The following MAGI2 variants were observed in gnomAD, a reference collection of about 807,000 sequenced individuals.
MAGI2 encodes membrane-associated guanylate kinase, WW and PDZ domain-containing protein 2.
A neutral mutation model predicts 133.3 loss-of-function variants in MAGI2; 35 were observed. The ratio of observed to expected loss-of-function variants is 0.26; its 90% CI spans 0.20 to 0.35. MAGI2 has a LOEUF of 0.35. Ranked by LOEUF, MAGI2 falls within the 10% of genes least tolerant of loss-of-function variation. The pLI is 1.00. For missense variants in MAGI2, 1,636 were observed against 1,863.4 expected, an observed-to-expected ratio of 0.88 and a Z score of 2.25; for synonymous variants, 729 against 710.6, an observed-to-expected ratio of 1.03 and a Z score of -0.41.
intron 1 of MAGI2, among the ~76,000 whole-genome samples, chr7:79,116,729 T>C (rs538673353): frequency 1.1e-4 from 17 of 152,290 alleles, no homozygotes; most frequent in African/African-American, 3.8e-4. Context: ...ACCTTGATGA[T>C]AAATAAGTTC....
At chr7:78,569,472 G>A (rs1041415717) in intron 3 of MAGI2, among the ~76,000 whole-genome samples, 5 of 152,010 alleles carry the variant, frequency 3.3e-5, no homozygotes, top group East Asian at 1.9e-4. Flanking sequence ...CAAAATGCAC[G>A]TTATATATCT....
chr7:78,265,724 A>C (rs573120758), intron 9 of MAGI2, among the ~76,000 whole-genome samples: 1 of 152,352 alleles, frequency 6.6e-6, no homozygotes, highest in South Asian at 2.1e-4. Context: ...CCTTGCAGGA[A>C]AGAGTCATAA....
intron 1 of MAGI2, among the ~76,000 whole-genome samples, chr7:79,153,788 T>A (rs558796601): frequency 6.6e-6 from 1 of 152,248 alleles, no homozygotes; most frequent in Non-Finnish European, 1.5e-5. Flanking sequence ...CAGATTCAGA[T>A]GGGTTTATGC....
chr7:79,232,571 T>C (rs1831465643), intron 1 of MAGI2, among the ~76,000 whole-genome samples: 1 of 86,468 alleles, frequency 1.2e-5, no homozygotes, highest in African/African-American at 4.7e-5. Context: ...ATTTTCTAGT[T>C]TATTTGCGTA....
rs111792012 is a variant in MAGI2, at chr7:78,568,528, T to C, written c.539-46883A>G. Among the ~76,000 whole-genome samples the C allele has an allele frequency of 7.1e-4, 108 of 152,328 alleles. 1 individual carries two copies. Among genetic ancestry groups the C allele is most frequent in the African/African-American group, 2.4e-3 (98 of 41,572 alleles). On this transcript the variant is annotated intron_variant, in intron 3 of 21. Transcript: ENST00000354212. ...ATCTTGGAGTCATCTTTCATGTATT[T>C]TCTTTTGCTTACACCTCTTATCCGG...
At chr7:78,860,096 A>G (rs1458316172) in intron 2 of MAGI2, among the ~76,000 whole-genome samples, 1 of 152,154 alleles carries the variant, frequency 6.6e-6, no homozygotes, top group Non-Finnish European at 1.5e-5. Context: ...CCATCAGGTC[A>G]TTTAAGGTCT....
rs554123290 is a variant in MAGI2, at chr7:78,246,976, G to C, written c.2047+8967C>G. Reference sequence around the variant, plus strand: ...AATCTCTATCCAACTCTGCCTCAGAGAGTAAACCTATAGCACAAGACCCAG... The same window carrying C: ...AATCTCTATCCAACTCTGCCTCAGACAGTAAACCTATAGCACAAGACCCAG... On this transcript the variant is annotated intron_variant, in intron 10 of 21. Transcript: ENST00000354212. Among the ~76,000 whole-genome samples, 191 of 152,294 alleles carry C rather than the reference G, an allele frequency of 1.3e-3. 1 individual carries two copies. Among genetic ancestry groups the C allele is most frequent in the Middle Eastern group, 3.4e-3 (1 of 294 alleles).
intron 1 of MAGI2, among the ~76,000 whole-genome samples, chr7:79,290,103 C>T (rs978770701): frequency 2.0e-5 from 3 of 151,980 alleles, no homozygotes; most frequent in South Asian, 2.1e-4. Context: ...ATATTAACTA[C>T]ATATTGCATA....
intron 2 of MAGI2, among the ~76,000 whole-genome samples, chr7:78,850,446 A>T (rs901631925): frequency 1.3e-5 from 2 of 152,164 alleles, no homozygotes; most frequent in African/African-American, 4.8e-5. Context: ...AATACACAGT[A>T]TTAAACTGGT....
intron 3 of MAGI2, among the ~76,000 whole-genome samples, chr7:78,570,549 A>G (rs1801397490): frequency 6.6e-6 from 1 of 152,164 alleles, no homozygotes; most frequent in South Asian, 2.1e-4. Flanking sequence ...CTGTGCATTG[A>G]CAGTGACAGG....
chr7:78,216,876 T>A (rs890782634), intron 10 of MAGI2, among the ~76,000 whole-genome samples: 18 of 152,160 alleles, frequency 1.2e-4, no homozygotes, highest in Non-Finnish European at 1.5e-5. Context: ...GAGATCAAGG[T>A]GTTGGTAGGG....
chr7:78,095,618 T>C (rs1341791906), intron 20 of MAGI2, among the ~76,000 whole-genome samples: 2 of 152,144 alleles, frequency 1.3e-5, no homozygotes, highest in Non-Finnish European at 2.9e-5. Flanking sequence ...GGTTCAAGGA[T>C]CCCCAATTAT....
chr7:78,893,042 A>C (rs1397081955), intron 2 of MAGI2, among the ~76,000 whole-genome samples: 2 of 152,094 alleles, frequency 1.3e-5, no homozygotes, highest in African/African-American at 2.4e-5. Flanking sequence ...AGAAAAAAAC[A>C]AACAACCCCA....
At chr7:78,357,551 G>A (rs1027166144) in intron 7 of MAGI2, among the ~76,000 whole-genome samples, 2 of 152,192 alleles carry the variant, frequency 1.3e-5, no homozygotes, top group Non-Finnish European at 2.9e-5. Context: ...AGAAAGTGAA[G>A]TAAGAATAAT....
intron 6 of MAGI2, among the ~76,000 whole-genome samples, chr7:78,464,940 T>C (rs2151521740): frequency 6.6e-6 from 1 of 152,286 alleles, no homozygotes; most frequent in South Asian, 2.1e-4. Context: ...GGAATGAGTT[T>C]ATAAATTCAA....
chr7:78,649,813 G>A (rs1265762796), intron 2 of MAGI2, among the ~76,000 whole-genome samples: 3 of 152,036 alleles, frequency 2.0e-5, no homozygotes, highest in Admixed American at 1.3e-4. Context: ...AACCTCACTC[G>A]TCTGAACAGT....
In MAGI2 at chr7:79,440,043, C is replaced by A. The variant is rs180935978; in HGVS notation, c.301+12977G>T. Among the ~76,000 whole-genome samples the A allele has an allele frequency of 2.7e-3, 410 of 152,196 alleles. 3 individuals are homozygous for A. Among genetic ancestry groups the A allele is most frequent in the Non-Finnish European group, 4.7e-3 (322 of 68,012 alleles). ...AACATTTCAAAGCTCATCTTTCTAA[C>A]CATTTCTACTCTGCTTGGCAGTACT... On this transcript the variant is annotated intron_variant, in intron 1 of 21. Transcript: ENST00000354212.
chr7:78,524,052 G>A (rs200324782), intron 3 of MAGI2, among the ~76,000 whole-genome samples: 6 of 149,094 alleles, frequency 4.0e-5, no homozygotes, highest in African/African-American at 9.9e-5. Context: ...CATTTCTAGG[G>A]AAAAAAAAAA....
chr7:78,800,765 T>C (rs1357412347), intron 2 of MAGI2, among the ~76,000 whole-genome samples: 1 of 152,114 alleles, frequency 6.6e-6, no homozygotes, highest in Non-Finnish European at 1.5e-5. Context: ...ATAAGAGTAA[T>C]GAATTCACAC....
Sources: gnomAD v4.1 joint callset for allele counts (sites outside exome capture counted in the v4.1 genomes callset) on GRCh38, gnomAD v4.1.1 for gene constraint, MANE v1.5 for transcripts, NCBI Gene and HGNC (gene_info 2026-07-23, HGNC 2026-07-21) for gene names.